The following DPT variants were observed in gnomAD, a reference collection of about 807,000 sequenced individuals.
The protein encoded by DPT is tyrosine-rich acidic matrix protein.
A neutral mutation model predicts 31.2 loss-of-function variants in DPT; 21 were observed. That is an observed-to-expected ratio of 0.67 (90% confidence interval 0.48 to 0.97). DPT has a LOEUF of 0.97. Among genes scored for constraint, DPT ranks in the 50% least tolerant of loss-of-function variants. The pLI is 0.00. For synonymous variants in DPT, 91 were observed against 86.9 expected, an observed-to-expected ratio of 1.05 and a Z score of -0.26; for missense variants, 262 against 258.8, an observed-to-expected ratio of 1.01 and a Z score of -0.08.
chr1:168,698,132 A>G (rs1649505051), intron 3 of DPT, among the ~76,000 whole-genome samples: 1 of 152,188 alleles, frequency 6.6e-6, no homozygotes, highest in African/African-American at 2.4e-5. Flanking sequence ...CTAAACTGAA[A>G]AGTGGGGCTG....
intron 1 of DPT, among the ~76,000 whole-genome samples, chr1:168,715,336 C>T (rs989587545): frequency 6.6e-6 from 1 of 152,106 alleles, no homozygotes; most frequent in African/African-American, 2.4e-5. Context: ...CGTCTTCAGG[C>T]TTCCCACTTT....
intron 1 of DPT, among the ~76,000 whole-genome samples, chr1:168,716,150 C>T (rs1649982867): frequency 6.6e-6 from 1 of 152,158 alleles, no homozygotes; most frequent in South Asian, 2.1e-4. Flanking sequence ...CATCAGAAAT[C>T]ATCCGTCCTT....
intron 2 of DPT, among the ~76,000 whole-genome samples, chr1:168,707,394 G>C (rs1449964460): frequency 1.3e-5 from 2 of 152,198 alleles, no homozygotes; most frequent in East Asian, 3.9e-4. Flanking sequence ...TTATAGTAGA[G>C]GGAAGCAGAC....
intron 2 of DPT, among the ~76,000 whole-genome samples, chr1:168,713,654 G>A (rs1454789475): frequency 6.6e-6 from 1 of 152,238 alleles, no homozygotes. Context: ...CATGAGCCCA[G>A]GGATAGGGAA....
At chr1:168,720,110 A>T (rs61801596) in intron 1 of DPT, among the ~76,000 whole-genome samples, 3 of 151,854 alleles carry the variant, frequency 2.0e-5, no homozygotes, top group Non-Finnish European at 2.9e-5. Flanking sequence ...CATGAGTTCT[A>T]GTCCTAGCCC....
Position 168,696,056 on chromosome 1 carries a change from C to A in DPT, c.*493G>T. ...CTAAGCATGCATGGCTCATGTGGAG[C>A]AGGGGAGTGGGAAGATGTCCCTCAG... On this transcript the variant is annotated 3_prime_UTR_variant, in exon 4 of 4. Coordinates refer to ENST00000367817, the MANE Select transcript of DPT (RefSeq NM_001937.5). The A allele has an allele frequency of 2.5e-6, 1 of 397,978 alleles. No individual in the cohort carries two copies. The highest frequency in any genetic ancestry group is 4.4e-6 in the Non-Finnish European group (1 of 226,202). The allele number at this position is 397,978 out of a possible 1,614,324, so 24.7% of individuals were successfully genotyped here.
chr1:168,696,360 T>C lies in DPT; in HGVS notation c.*189A>G, dbSNP rs574592939. 6.8e-6 allele frequency: 4 copies of C among 589,712 alleles called. No homozygotes were observed. The East Asian group carries it at 8.4e-5, about 12-fold the overall frequency. 36.5% of individuals were successfully genotyped at this position (589,712 alleles called of 1,614,324 possible). A position where few individuals can be genotyped will look rare whatever the true frequency, so the allele number is the denominator to read the frequency against. On this transcript the variant is annotated 3_prime_UTR_variant, in exon 4 of 4. Transcript: ENST00000367817. ...GTGAAAAGTGAGAAACATGGTTTAATTGTGGATTTTATTAGAAGTGTGATA... is the reference window on the plus strand; with the variant it reads ...GTGAAAAGTGAGAAACATGGTTTAACTGTGGATTTTATTAGAAGTGTGATA...
chr1:168,713,571 G>A (rs1649912862), intron 2 of DPT, among the ~76,000 whole-genome samples: 1 of 152,192 alleles, frequency 6.6e-6, no homozygotes, highest in Non-Finnish European at 1.5e-5. Context: ...AACACCCAGT[G>A]TAAGTCATCA....
At chr1:168,724,847 C>G (rs201326688) in intron 1 of DPT, among the ~76,000 whole-genome samples, 1 of 152,112 alleles carries the variant, frequency 6.6e-6, no homozygotes, top group Non-Finnish European at 1.5e-5. Flanking sequence ...TAGATTCTTT[C>G]TCCTCTTCTC....
chr1:168,719,761 T>A (rs1163673749), intron 1 of DPT, among the ~76,000 whole-genome samples: 1 of 151,184 alleles, frequency 6.6e-6, no homozygotes, highest in East Asian at 1.9e-4. Context: ...GGTACCTTAC[T>A]TACAAGACTC....
rs137926613 is a variant in DPT, at chr1:168,705,750, G to T, written c.432-4626C>A. On this transcript the variant is annotated intron_variant, in intron 2 of 3. Coordinates refer to ENST00000367817, the MANE Select transcript of DPT (RefSeq NM_001937.5). ...GTGACATGTCAGCTGATACAGTTTG[G>T]CTGTGTCTCACCCAAATCTCATTTT... Among the ~76,000 whole-genome samples, 31 of 152,270 alleles carry T rather than the reference G, an allele frequency of 2.0e-4. No homozygotes were observed. The East Asian group carries it at 3.1e-3, about 15-fold the overall frequency.
chr1:168,714,169 G>A (rs1649927497), intron 2 of DPT, 52 bp downstream of exon 2: 1 of 1,612,240 alleles, frequency 6.2e-7, no homozygotes, highest in Non-Finnish European at 8.5e-7. Flanking sequence ...CACTTCCTAG[G>A]TGCCTCTCCC....
intron 3 of DPT, among the ~76,000 whole-genome samples, chr1:168,697,664 G>A (rs1649493848): frequency 6.6e-6 from 1 of 152,208 alleles, no homozygotes; most frequent in Admixed American, 6.5e-5. Context: ...GTCTAATACT[G>A]TTGAACAGTG....
chr1:168,725,418 G>T (rs1448726155), intron 1 of DPT, among the ~76,000 whole-genome samples: 1 of 151,810 alleles, frequency 6.6e-6, no homozygotes, highest in Admixed American at 6.6e-5. Flanking sequence ...GTGAATCCAG[G>T]TTTCCTGCAT....
intron 3 of DPT, among the ~76,000 whole-genome samples, chr1:168,698,489 CT>C (rs1279273156): frequency 6.6e-6 from 1 of 152,152 alleles, no homozygotes; most frequent in Admixed American, 6.5e-5. Flanking sequence ...ATTCAAACTA[CT>C]CTTTTAGAAG....
chr1:168,720,650 C>A (rs1176427037), intron 1 of DPT, among the ~76,000 whole-genome samples: 1 of 152,052 alleles, frequency 6.6e-6, no homozygotes, highest in Non-Finnish European at 1.5e-5. Context: ...GGGCTGTTAG[C>A]CAGTTTCCAA....
At chr1:168,705,455 C>A (rs1482226127) in intron 2 of DPT, among the ~76,000 whole-genome samples, 2 of 152,154 alleles carry the variant, frequency 1.3e-5, no homozygotes, top group Non-Finnish European at 2.9e-5. Flanking sequence ...AAGCACACAC[C>A]ACAGACTCCC....
In DPT at chr1:168,714,299, C is replaced by A; in HGVS notation, c.353G>T (p.Arg118Leu). The A allele has an allele frequency of 2.5e-6, 4 of 1,614,074 alleles. No homozygotes were observed. The highest frequency in any genetic ancestry group is 3.4e-6 in the Non-Finnish European group (4 of 1,180,006). ...NNGLVAGFQS[R>L]YFESVLDREW... ...CCGATCCAGCACTGACTCGAAGTAG[C>A]GGCTCTGGAATCCTGCCACCAGCCC... Residue 118 changes from arginine to leucine, a missense_variant, in exon 2 of 4, where the codon CGC becomes CTC. Arg to Leu is a moderately radical substitution (Grantham distance 102). Transcript: ENST00000367817.
chr1:168,719,039 C>T (rs1013536000), intron 1 of DPT, among the ~76,000 whole-genome samples: 27 of 152,130 alleles, frequency 1.8e-4, no homozygotes, highest in African/African-American at 6.5e-4. Flanking sequence ...AAGTAGTATT[C>T]CATGCAGTGT....
Sources: gnomAD v4.1 joint callset for allele counts (sites outside exome capture counted in the v4.1 genomes callset) on GRCh38, gnomAD v4.1.1 for gene constraint, MANE v1.5 for transcripts, NCBI Gene and HGNC (gene_info 2026-07-23, HGNC 2026-07-21) for gene names.